BTAF1: variants seen among roughly 807,000 people sequenced by gnomAD.
BTAF1 encodes B-TFIID TATA-box binding protein associated factor 1.
BTAF1 carries 38 observed loss-of-function variants against 227.1 expected under a neutral mutation model. That is an observed-to-expected ratio of 0.17 (90% CI 0.13 to 0.22). The LOEUF is 0.22. Ranked by LOEUF, BTAF1 falls within the 10% of genes least tolerant of loss-of-function variation. BTAF1 has a pLI of 1.00. For missense variants in BTAF1, 1,598 were observed against 2,204.0 expected (o/e 0.73, Z 5.51); for synonymous variants, 742 against 751.9 (o/e 0.99, Z 0.21).
intron 14 of BTAF1, 36 bp from the exon 15 acceptor site, chr10:91,980,418 A>G (rs1345683433): frequency 2.0e-6 from 3 of 1,466,882 alleles, no homozygotes; most frequent in Non-Finnish European, 2.9e-6. Context: ...TCCAAGAATT[A>G]TATGCTACAG....
intron 15 of BTAF1, among the ~76,000 whole-genome samples, 178 bp downstream of exon 15, chr10:91,980,736 T>C (rs1205374848): frequency 6.6e-6 from 1 of 152,166 alleles, no homozygotes; most frequent in Non-Finnish European, 1.5e-5. Flanking sequence ...AGTTAAGTTT[T>C]GATTGGCCAT....
chr10:92,027,336 C>A, intron 37 of BTAF1, 36 bp downstream of exon 37: 1 of 1,551,222 alleles, frequency 6.4e-7, no homozygotes, highest in South Asian at 1.2e-5. Context: ...ATCTTTGAGT[C>A]ACAGGCTTCC....
At chr10:91,935,020 C>G (rs1156373822) in intron 1 of BTAF1, 1 of 152,164 alleles carries the variant, frequency 6.6e-6, no homozygotes, top group Non-Finnish European at 1.5e-5. Context: ...CTGCTCCCTT[C>G]AACCCCAGTA....
At chr10:91,992,070 G>C (rs1476603187) in intron 20 of BTAF1, 49 bp from the exon 21 acceptor site, 12 of 1,431,048 alleles carry the variant, frequency 8.4e-6, no homozygotes, top group Admixed American at 4.6e-5. Flanking sequence ...AAAACATTTG[G>C]TATCACCAAT....
intron 14 of BTAF1, among the ~76,000 whole-genome samples, chr10:91,975,220 CTT>C (rs966605409): frequency 6.6e-6 from 1 of 152,148 alleles, no homozygotes; most frequent in Non-Finnish European, 1.5e-5. Context: ...AATACATTAA[CTT>C]TTGTTTGAAA....
chr10:91,980,601 T>C, intron 15 of BTAF1, 43 bp downstream of exon 15: 1 of 1,509,368 alleles, frequency 6.6e-7, no homozygotes, highest in African/African-American at 1.4e-5. Flanking sequence ...TAGTAACTTT[T>C]GTAGATTTTT....
chr10:92,013,583 A>G, intron 30 of BTAF1, 84 bp from the exon 31 acceptor site: 1 of 1,523,106 alleles, frequency 6.6e-7, no homozygotes, highest in Non-Finnish European at 9.1e-7. Context: ...ATATGATTAT[A>G]ATAATGGGCT....
chr10:91,966,848 C>A, intron 14 of BTAF1, 91 bp downstream of exon 14: 1 of 1,259,868 alleles, frequency 7.9e-7, no homozygotes, highest in Non-Finnish European at 1.1e-6. Context: ...GCTGTATATC[C>A]AAAGATCAGG....
At chr10:91,997,574 T>C in intron 24 of BTAF1, 29 bp from the exon 25 acceptor site, 1 of 1,603,070 alleles carries the variant, frequency 6.2e-7, no homozygotes, top group South Asian at 1.1e-5. Context: ...CTTGGAACCA[T>C]TTCAAAATTT....
At chr10:91,999,923 C>A (rs1211792588) in intron 25 of BTAF1, among the ~76,000 whole-genome samples, 1 of 151,982 alleles carries the variant, frequency 6.6e-6, no homozygotes, top group African/African-American at 2.4e-5. Flanking sequence ...CCATAAAAGT[C>A]AGTGAAATCA....
chr10:91,956,922 C>T (rs573982762), intron 7 of BTAF1, among the ~76,000 whole-genome samples: 8 of 151,830 alleles, frequency 5.3e-5, no homozygotes, highest in Non-Finnish European at 8.8e-5. Context: ...CCCGGGAGGC[C>T]GAGGTTGCAG....
intron 6 of BTAF1, among the ~76,000 whole-genome samples, chr10:91,954,792 A>G (rs889830881): frequency 6.6e-6 from 1 of 152,158 alleles, no homozygotes; most frequent in African/African-American, 2.4e-5. Flanking sequence ...TCCTTGGCTC[A>G]AGTGGTCCTC....
intron 1 of BTAF1, among the ~76,000 whole-genome samples, chr10:91,928,682 G>A (rs187242739): frequency 7.3e-4 from 111 of 151,048 alleles, no homozygotes; most frequent in Non-Finnish European, 1.4e-3. Context: ...ACTTAGTTGG[G>A]ATTTTGCCAC....
At chr10:91,944,852 T>A (rs2133829955) in intron 4 of BTAF1, among the ~76,000 whole-genome samples, 1 of 152,380 alleles carries the variant, frequency 6.6e-6, no homozygotes, top group East Asian at 1.9e-4. Context: ...TAGGACTGCA[T>A]ATACAGTTGT....
intron 37 of BTAF1, among the ~76,000 whole-genome samples, chr10:92,027,748 A>G (rs923243499): frequency 6.6e-6 from 1 of 152,100 alleles, no homozygotes. Context: ...AGCCATTGTT[A>G]TTGCAGATGA....
intron 6 of BTAF1, among the ~76,000 whole-genome samples, chr10:91,954,905 T>C (rs1160535756): frequency 6.6e-6 from 1 of 152,192 alleles, no homozygotes; most frequent in Non-Finnish European, 1.5e-5. Context: ...AATAAGAATC[T>C]TTAGTGGTGC....
chr10:92,028,536 TA>T (rs1851680742), intron 37 of BTAF1, among the ~76,000 whole-genome samples: 3 of 152,272 alleles, frequency 2.0e-5, no homozygotes, highest in Admixed American at 2.0e-4. Context: ...TACACATATA[TA>T]AATGGGGAGA....
At chr10:91,994,884 G>A (rs529501173) in intron 23 of BTAF1, among the ~76,000 whole-genome samples, 1 of 152,280 alleles carries the variant, frequency 6.6e-6, no homozygotes, top group South Asian at 2.1e-4. Flanking sequence ...GGGGCATTGA[G>A]GAAAGGACTC....
At position 91,964,909 on chromosome 10, in the gene BTAF1, T is replaced by G. The variant is rs139008672; in HGVS notation, c.1529+708T>G. On this transcript the variant is annotated intron_variant, in intron 13 of 37. Transcript: ENST00000265990. ...AAATTATTATGCAACTTTAAAAAATTCACAGATGAGAAAATTACTCTTCTT... is the reference window on the plus strand; with the variant it reads ...AAATTATTATGCAACTTTAAAAAATGCACAGATGAGAAAATTACTCTTCTT... 2.2e-4 allele frequency among the ~76,000 whole-genome samples: 34 copies of G among 152,268 alleles called. No individual in the cohort carries two copies. In the East Asian group the frequency reaches 5.4e-3, roughly 24 times the overall value.
Sources: gnomAD v4.1 joint callset for allele counts (sites outside exome capture counted in the v4.1 genomes callset) on GRCh38, gnomAD v4.1.1 for gene constraint, MANE v1.5 for transcripts, NCBI Gene and HGNC (gene_info 2026-07-23, HGNC 2026-07-21) for gene names.